Variants in TSPAN18 observed in about 807,000 individuals in gnomAD.
TSPAN18 encodes the protein tetraspanin-18.
TSPAN18 carries 14 observed loss-of-function variants against 27.3 expected under a neutral mutation model. The ratio of observed to expected loss-of-function variants is 0.51; its 90% CI spans 0.34 to 0.80. The LOEUF (loss-of-function observed/expected upper bound fraction) is 0.80, where lower values mean the gene tolerates loss of function less well. TSPAN18 is among the 30% of genes least tolerant of loss of function. The pLI is 0.01. For missense variants in TSPAN18, 268 were observed against 323.9 expected, an observed-to-expected ratio of 0.83 and a Z score of 1.32; for synonymous variants, 143 against 136.5, an observed-to-expected ratio of 1.05 and a Z score of -0.33.
chr11:44,920,570 G>A (rs1341738025), intron 8 of TSPAN18, among the ~76,000 whole-genome samples: 2 of 152,162 alleles, frequency 1.3e-5, no homozygotes, highest in Non-Finnish European at 2.9e-5. Context: ...GCCTGGCTTT[G>A]TGTGCCTCCT....
chr11:44,738,807 T>C (rs1854860807), intron 1 of TSPAN18, among the ~76,000 whole-genome samples: 1 of 152,354 alleles, frequency 6.6e-6, no homozygotes, highest in South Asian at 2.1e-4. Flanking sequence ...AAGCACAATT[T>C]AGCCGGTAAC....
intron 3 of TSPAN18, among the ~76,000 whole-genome samples, chr11:44,882,625 C>CAGAG (rs149910008): frequency 6.4e-5 from 4 of 62,164 alleles, no homozygotes; most frequent in Admixed American, 1.4e-4. Flanking sequence ...CACACACACA[C>CAGAG]ACAGAGAGAG....
At chr11:44,927,293 G>A (rs572209618) in intron 9 of TSPAN18, among the ~76,000 whole-genome samples, 1 of 152,344 alleles carries the variant, frequency 6.6e-6, no homozygotes, top group East Asian at 1.9e-4. Flanking sequence ...GCCAAAGGGA[G>A]GAGCGGCCGC....
intron 2 of TSPAN18, among the ~76,000 whole-genome samples, chr11:44,850,724 T>G (rs1393970799): frequency 6.6e-6 from 1 of 152,094 alleles, no homozygotes; most frequent in Admixed American, 6.6e-5. Flanking sequence ...ACATAGTAAG[T>G]GATGAGACCA....
At chr11:44,917,016 G>A (rs559329389) in intron 5 of TSPAN18, among the ~76,000 whole-genome samples, 2 of 152,210 alleles carry the variant, frequency 1.3e-5, no homozygotes, top group South Asian at 4.1e-4. Context: ...CCTTCATGGC[G>A]AGTGCTCCAC....
intron 4 of TSPAN18, among the ~76,000 whole-genome samples, chr11:44,908,831 A>AAAGAAAGAAAGAAAGAAAGAG (rs1590671474): frequency 1.0e-5 from 1 of 96,160 alleles, no homozygotes; most frequent in African/African-American, 4.2e-5. Context: ...AAGAAAGAAA[A>AAAGAAAGAAAGAAAGAAAGAG]AGAAAAATGG....
chr11:44,858,831 G>C (rs537933925), intron 2 of TSPAN18, among the ~76,000 whole-genome samples: 1 of 152,328 alleles, frequency 6.6e-6, no homozygotes, highest in East Asian at 1.9e-4. Context: ...TGGTGAGCCC[G>C]CAAGAATGGC....
At chr11:44,846,172 T>C (rs1020771506) in intron 2 of TSPAN18, among the ~76,000 whole-genome samples, 1 of 152,168 alleles carries the variant, frequency 6.6e-6, no homozygotes, top group Non-Finnish European at 1.5e-5. Flanking sequence ...GGTGAGGACA[T>C]TGAGGCTCAG....
Position 44,901,508 on chromosome 11 carries a change from C to T in TSPAN18, c.-10-4899C>T, listed in dbSNP as rs61638506. Among the ~76,000 whole-genome samples the T allele has an allele frequency of 1.2e-4, 19 of 152,338 alleles. No individual in the cohort carries two copies. In the East Asian group the frequency reaches 3.7e-3, roughly 29 times the overall value. Reference sequence around the variant, plus strand: ...TCCTGCACAGGACTACTCAGCCTCTCGCTGTTGTGGCTGCTCTGCCTCCAA... The same window carrying T: ...TCCTGCACAGGACTACTCAGCCTCTTGCTGTTGTGGCTGCTCTGCCTCCAA... On this transcript the variant is annotated intron_variant, in intron 3 of 9. Coordinates refer to ENST00000520358, the MANE Select transcript of TSPAN18 (RefSeq NM_130783.5).
intron 2 of TSPAN18, among the ~76,000 whole-genome samples, chr11:44,804,785 G>C (rs1400984521): frequency 6.6e-6 from 1 of 150,532 alleles, no homozygotes; most frequent in African/African-American, 2.4e-5. Flanking sequence ...CAACTGGATT[G>C]CATTTCTGAG....
intron 2 of TSPAN18, among the ~76,000 whole-genome samples, chr11:44,846,960 ACT>A (rs1857498340): frequency 6.6e-6 from 1 of 151,992 alleles, no homozygotes; most frequent in African/African-American, 2.4e-5. Flanking sequence ...ATAGTGTTTA[ACT>A]CTCGGAAGGG....
intron 2 of TSPAN18, 108 bp from the exon 3 acceptor site, chr11:44,860,220 T>G (rs182119126): frequency 1.8e-3 from 276 of 152,308 alleles, no homozygotes; most frequent in African/African-American, 6.2e-3. Flanking sequence ...TCCTGCAGTC[T>G]TGGTTCCATC....
chr11:44,758,967 C>T (rs941972196), intron 1 of TSPAN18, among the ~76,000 whole-genome samples: 6 of 152,186 alleles, frequency 3.9e-5, no homozygotes, highest in Non-Finnish European at 8.8e-5. Context: ...CTGTGCAAAG[C>T]CCATTCACAG....
chr11:44,881,078 C>T (rs114343796), intron 3 of TSPAN18, among the ~76,000 whole-genome samples: 284 of 152,354 alleles, frequency 1.9e-3, no homozygotes, highest in African/African-American at 5.8e-3. Context: ...CAAATCTCAG[C>T]TCTGCCACTT....
chr11:44,877,339 G>A (rs572905000), intron 3 of TSPAN18, among the ~76,000 whole-genome samples: 335 of 152,318 alleles, frequency 2.2e-3, no homozygotes, highest in Non-Finnish European at 3.8e-3. Context: ...GGTTGGGCAG[G>A]GGCAGTGTAT....
chr11:44,753,361 A>C (rs1446447140), intron 1 of TSPAN18, among the ~76,000 whole-genome samples: 1 of 152,030 alleles, frequency 6.6e-6, no homozygotes, highest in Non-Finnish European at 1.5e-5. Flanking sequence ...TGATCTCCTG[A>C]CCTCACGATC....
intron 3 of TSPAN18, among the ~76,000 whole-genome samples, chr11:44,879,432 A>G (rs1241077003): frequency 6.6e-6 from 1 of 152,194 alleles, no homozygotes; most frequent in Non-Finnish European, 1.5e-5. Flanking sequence ...CAAAGAGGGG[A>G]CAGACAGTGA....
chr11:44,734,612 C>T (rs1854743035), intron 1 of TSPAN18, among the ~76,000 whole-genome samples: 1 of 152,232 alleles, frequency 6.6e-6, no homozygotes, highest in Non-Finnish European at 1.5e-5. Flanking sequence ...GAGAGGTACC[C>T]ACTTCCCTTC....
intron 1 of TSPAN18, among the ~76,000 whole-genome samples, chr11:44,748,429 TTC>T (rs1855133704): frequency 6.6e-6 from 1 of 152,052 alleles, no homozygotes; most frequent in South Asian, 2.1e-4. Flanking sequence ...GACCATCACT[TTC>T]TTCCACAGTA....
Sources: allele counts gnomAD v4.1 joint callset (sites outside exome capture counted in the v4.1 genomes callset), GRCh38; gene constraint gnomAD v4.1.1; transcripts MANE v1.5; gene names NCBI Gene and HGNC (gene_info 2026-07-23, HGNC 2026-07-21).